Variants in KRT82 observed in about 807,000 individuals in gnomAD.
KRT82 encodes keratin 82, also known as keratin, type II cuticular Hb2.
KRT82 carries 44 observed loss-of-function variants against 48.0 expected under a neutral mutation model. The ratio of observed to expected loss-of-function variants is 0.92; its 90% confidence interval spans 0.72 to 1.18. The LOEUF (loss-of-function observed/expected upper bound fraction) is 1.18. KRT82 is among the 50% of genes most tolerant of loss of function. The pLI is 0.00. For missense variants in KRT82, 701 were observed against 671.4 expected (o/e 1.04, Z -0.49); for synonymous variants, 297 against 278.3 (o/e 1.07, Z -0.67).
In KRT82 at chr12:52,396,168, G is replaced by A. The variant is rs756028245; in HGVS notation, c.1133C>T (p.Ala378Val). Residue 378 changes from alanine to valine, a missense_variant, in exon 7 of 9, where the codon GCC (alanine) becomes GTC (valine). By Grantham distance (64) the Ala-to-Val change is moderately conservative (BLOSUM62 0). Coordinates refer to ENST00000257974, the MANE Select transcript of KRT82 (RefSeq NM_033033.4). ...CTCCAGCCCTGCCAGCTTGCACTTG[G>A]CATCATTGAGAGCCGCCTCGCCCTG... is the stretch of plus-strand genomic sequence containing the variant. Reference protein sequence around the residue: ...EQQGEAALNDAKCKLAGLEEA... With the variant: ...EQQGEAALNDVKCKLAGLEEA... 24 of 1,614,182 alleles carry A rather than the reference G, an allele frequency of 1.5e-5. No homozygotes were observed. Among genetic ancestry groups the A allele is most frequent in the Non-Finnish European group, 2.0e-5 (24 of 1,180,036 alleles).
chr12:52,405,870 G>A lies in KRT82; in HGVS notation c.408C>T (p.Asn136=). ...CCCTGGGCCACTGCCCCCTTACCTTGTTGATGAAAGATGCGAAACGGTTGT... is the reference window on the plus strand; with the variant it reads ...CCCTGGGCCACTGCCCCCTTACCTTATTGATGAAAGATGCGAAACGGTTGT... ...CLNNRFASFI[N]KVRFLEQKNK... Residue 136 remains asparagine (N), a synonymous_variant, in exon 1 of 9, where the codon AAC becomes AAT. Coordinates refer to ENST00000257974, the MANE Select transcript of KRT82 (RefSeq NM_033033.4). 6.2e-7 allele frequency: 1 copy of A among 1,609,608 alleles called. No homozygotes were observed. The highest frequency in any genetic ancestry group is 8.5e-7 in the Non-Finnish European group (1 of 1,176,960).
chr12:52,401,464 G>T, intron 2 of KRT82, 115 bp from the exon 3 acceptor site: 1 of 980,422 alleles, frequency 1.0e-6, no homozygotes, highest in South Asian at 1.4e-5. Flanking sequence ...GCCCTGGGGA[G>T]TGCCCAGGTC....
At chr12:52,405,372 T>G (rs1366669123) in intron 1 of KRT82, among the ~76,000 whole-genome samples, 1 of 152,238 alleles carries the variant, frequency 6.6e-6, no homozygotes, top group Non-Finnish European at 1.5e-5. Flanking sequence ...ACCGTCACCC[T>G]GTGCCTCTAG....
In KRT82 at chr12:52,399,137, C is replaced by A. The variant is rs1446831622; in HGVS notation, c.942+848G>T. 3.9e-5 allele frequency among the ~76,000 whole-genome samples: 6 copies of A among 152,188 alleles called. No homozygotes were observed. The East Asian group carries it at 9.6e-4, about 24-fold the overall frequency. On this transcript the variant is annotated intron_variant, in intron 5 of 8. Coordinates refer to ENST00000257974, the MANE Select transcript of KRT82 (RefSeq NM_033033.4). ...TGGGAAGCACATCCTTGCTGGCCAC[C>A]CTAATTGAAACTGCACTCCAACACT...
chr12:52,399,841 G>T, intron 5 of KRT82, 144 bp downstream of exon 5: 1 of 836,132 alleles, frequency 1.2e-6, no homozygotes, highest in Non-Finnish European at 1.9e-6. Context: ...CAGCAGCTGG[G>T]CTTTATGGGA....
chr12:52,398,759 G>A (rs564078130), intron 5 of KRT82, among the ~76,000 whole-genome samples: 2 of 152,190 alleles, frequency 1.3e-5, no homozygotes, highest in African/African-American at 4.8e-5. Flanking sequence ...AATGGGCAGA[G>A]CATCACTTTG....
intron 4 of KRT82, 120 bp from the exon 5 acceptor site, chr12:52,400,269 T>C (rs1939770917): frequency 9.5e-7 from 1 of 1,057,082 alleles, no homozygotes; most frequent in Non-Finnish European, 1.4e-6. Flanking sequence ...ATGGCTGTTC[T>C]GGGCTTCAGT....
At chr12:52,399,954 A>T in intron 5 of KRT82, 31 bp downstream of exon 5, 2 of 1,603,150 alleles carry the variant, frequency 1.2e-6, no homozygotes, top group Non-Finnish European at 1.7e-6. Context: ...TCACCTCTCC[A>T]GTCTCCCTGC....
At chr12:52,402,698 GAGTT>G (rs1939805176) in intron 2 of KRT82, among the ~76,000 whole-genome samples, 1 of 152,184 alleles carries the variant, frequency 6.6e-6, no homozygotes, top group African/African-American at 2.4e-5. Flanking sequence ...GACTGGGAAA[GAGTT>G]AGCCTTTTTT....
intron 4 of KRT82, 100 bp from the exon 5 acceptor site, chr12:52,400,249 G>GAACT (rs1411196516): frequency 8.2e-7 from 1 of 1,220,676 alleles, no homozygotes. Context: ...AGAGTGCATA[G>GAACT]AACTCTGCTA....
At position 52,406,155 on chromosome 12, in the gene KRT82, C is replaced by G. The variant is rs1186346826; in HGVS notation, c.123G>C (p.Gly41=). 2 of 1,613,106 alleles carry G rather than the reference C, an allele frequency of 1.2e-6. No individual in the cohort carries two copies. Among genetic ancestry groups the G allele is most frequent in the African/African-American group, 1.3e-5 (1 of 74,932 alleles). ...YAVSKGPCRP[G]GGRGLRALGC... Reference sequence around the variant, plus strand: ...CCAGAGCTCGGAGGCCCCTACCACCCCCGGGCCGGCATGGCCCCTTGCTCA... The same window carrying G: ...CCAGAGCTCGGAGGCCCCTACCACCGCCGGGCCGGCATGGCCCCTTGCTCA... Residue 41 remains glycine (G), a synonymous_variant, in exon 1 of 9, where the codon GGG becomes GGC. Transcript: ENST00000257974.
chr12:52,398,838 A>T lies in KRT82; in HGVS notation c.942+1147T>A, dbSNP rs533040769. Among the ~76,000 whole-genome samples the T allele has an allele frequency of 2.6e-5, 4 of 152,220 alleles. No homozygotes were observed. In the East Asian group the frequency reaches 7.7e-4, roughly 29 times the overall value. On this transcript the variant is annotated intron_variant, in intron 5 of 8. Transcript: ENST00000257974. Reference sequence around the variant, plus strand: ...CAAATGACTTAGCACAGCCCTGCAGATGCTGTGACCTGGCCTCAAGCTACC... The same window carrying T: ...CAAATGACTTAGCACAGCCCTGCAGTTGCTGTGACCTGGCCTCAAGCTACC...
intron 2 of KRT82, among the ~76,000 whole-genome samples, chr12:52,403,417 C>T (rs1208721571): frequency 1.3e-5 from 2 of 152,146 alleles, no homozygotes; most frequent in African/African-American, 2.4e-5. Flanking sequence ...CAGCTGGAAG[C>T]TGGAGCTCCA....
Position 52,406,304 on chromosome 12 carries a change from G to T in KRT82, c.-27C>A. The T allele has an allele frequency of 6.5e-7, 1 of 1,540,668 alleles. No individual in the cohort carries two copies. Among genetic ancestry groups the T allele is most frequent in the Non-Finnish European group, 8.7e-7 (1 of 1,145,086 alleles). Reference sequence around the variant, plus strand: ...GCAGGAGAGAGAGGCAGAGAAATGCGGCCCTGGAGGAAAGAACCGGGGCAG... The same window carrying T: ...GCAGGAGAGAGAGGCAGAGAAATGCTGCCCTGGAGGAAAGAACCGGGGCAG... On this transcript the variant is annotated 5_prime_UTR_variant, in exon 1 of 9. Coordinates refer to ENST00000257974, the MANE Select transcript of KRT82 (RefSeq NM_033033.4).
At chr12:52,404,041 G>A (rs1939822632) in intron 1 of KRT82, 132 bp from the exon 2 acceptor site, 2 of 776,458 alleles carry the variant, frequency 2.6e-6, no homozygotes, top group Admixed American at 5.0e-5. Context: ...GCAAAAATCA[G>A]GGTCTCTGCA....
chr12:52,405,147 G>A (rs1199058272), intron 1 of KRT82, among the ~76,000 whole-genome samples: 1 of 152,160 alleles, frequency 6.6e-6, no homozygotes, highest in Non-Finnish European at 1.5e-5. Flanking sequence ...AGTGGGTGCT[G>A]TACTGTAGAT....
intron 8 of KRT82, 134 bp from the exon 9 acceptor site, chr12:52,395,329 GCCTCCGCGTCTCCCAC>G (rs531746804): frequency 1.4e-6 from 1 of 704,388 alleles, no homozygotes; most frequent in Admixed American, 2.6e-5. Flanking sequence ...CCAGCCTCCA[GCCTCCGCGTCTCCCAC>G]CCTAGCCACA....
Position 52,394,681 on chromosome 12 carries a change from T to G in KRT82, c.*294A>C. On this transcript the variant is annotated 3_prime_UTR_variant, in exon 9 of 9. Transcript: ENST00000257974. ...GAACTGTGGTGTGCCCATTTGACCT[T>G]TTGGGGGTTATTGCCATTCTGCGGT... 3 of 456,430 alleles carry G rather than the reference T, an allele frequency of 6.6e-6. No homozygotes were observed. The highest frequency in any genetic ancestry group is 4.0e-6 in the Non-Finnish European group (1 of 247,424). 28.3% of individuals were successfully genotyped at this position (456,430 alleles called of 1,614,324 possible).
rs370387029 is a variant in KRT82, at chr12:52,403,825, C to T, written c.496G>A (p.Glu166Lys). The T allele has an allele frequency of 1.5e-5, 25 of 1,613,834 alleles. No individual in the cohort carries two copies. The African/African-American group carries it at 1.7e-4, about 11-fold the overall frequency. The change falls in exon 2 of 9, where the codon GAG becomes AAG. Residue 166 changes from glutamate to lysine, a missense_variant. By Grantham distance (56) the Glu-to-Lys change is moderately conservative (BLOSUM62 1). Transcript: ENST00000257974. ...QQQRCCQTNIEPIFEGYISAL... is the reference protein window; with the variant it reads ...QQQRCCQTNIKPIFEGYISAL... ...CTGATATAGCCCTCGAAGATGGGCT[C>T]GATGTTGGTCTGGCAGCACCTCTGC... is the stretch of plus-strand genomic sequence containing the variant.
Sources: gnomAD v4.1 joint callset for allele counts (sites outside exome capture counted in the v4.1 genomes callset) on GRCh38, gnomAD v4.1.1 for gene constraint, MANE v1.5 for transcripts, NCBI Gene and HGNC (gene_info 2026-07-23, HGNC 2026-07-21) for gene names.